The following GSG1L variants were observed in gnomAD, a reference collection of about 807,000 sequenced individuals.
GSG1L encodes the protein germ cell-specific gene 1-like protein.
A neutral mutation model predicts 42.1 loss-of-function variants in GSG1L; 24 were observed. The ratio of observed to expected loss-of-function variants is 0.57; its 90% confidence interval spans 0.41 to 0.80. The LOEUF (loss-of-function observed/expected upper bound fraction) is 0.80. Among genes scored for constraint, GSG1L ranks in the 30% least tolerant of loss-of-function variants. GSG1L has a pLI of 0.00. For synonymous variants in GSG1L, 215 were observed against 203.5 expected, an observed-to-expected ratio of 1.06 and a Z score of -0.48; for missense variants, 445 against 472.2, an observed-to-expected ratio of 0.94 and a Z score of 0.53.
intron 2 of GSG1L, among the ~76,000 whole-genome samples, chr16:27,912,961 G>A (rs1279936833): frequency 2.6e-5 from 4 of 152,080 alleles, no homozygotes; most frequent in Non-Finnish European, 4.4e-5. Flanking sequence ...CAACATGGCA[G>A]AATCTTTATT....
At chr16:27,951,801 G>T (rs2084953099) in intron 2 of GSG1L, among the ~76,000 whole-genome samples, 1 of 152,160 alleles carries the variant, frequency 6.6e-6, no homozygotes, top group South Asian at 2.1e-4. Flanking sequence ...TAAATTAAGT[G>T]AGCAGCAGAA....
At chr16:28,055,761 C>T (rs1261547354) in intron 1 of GSG1L, among the ~76,000 whole-genome samples, 3 of 152,190 alleles carry the variant, frequency 2.0e-5, no homozygotes, top group East Asian at 1.9e-4. Context: ...TGAGCCACCA[C>T]GCCCGGCCCA....
intron 2 of GSG1L, among the ~76,000 whole-genome samples, chr16:27,952,653 A>G (rs1238836437): frequency 6.6e-6 from 1 of 152,228 alleles, no homozygotes; most frequent in Non-Finnish European, 1.5e-5. Context: ...TGCCAGGTTA[A>G]AATGCCCTGT....
chr16:27,944,347 T>G (rs1483607445), intron 2 of GSG1L, among the ~76,000 whole-genome samples: 1 of 151,972 alleles, frequency 6.6e-6, no homozygotes, highest in Admixed American at 6.6e-5. Context: ...ATGGGCCGGG[T>G]GTGGTGGCTT....
At chr16:28,000,330 T>C (rs940699819) in intron 1 of GSG1L, among the ~76,000 whole-genome samples, 1 of 152,042 alleles carries the variant, frequency 6.6e-6, no homozygotes, top group African/African-American at 2.4e-5. Flanking sequence ...ATAATAAAAG[T>C]AAAAATAAAA....
chr16:27,860,856 G>A (rs945332057), intron 3 of GSG1L, among the ~76,000 whole-genome samples: 2 of 151,838 alleles, frequency 1.3e-5, no homozygotes, highest in Non-Finnish European at 2.9e-5. Flanking sequence ...GTGGGAGGCT[G>A]GGCGTGTTGG....
At chr16:28,011,235 T>G (rs2085713428) in intron 1 of GSG1L, among the ~76,000 whole-genome samples, 1 of 152,244 alleles carries the variant, frequency 6.6e-6, no homozygotes, top group Non-Finnish European at 1.5e-5. Flanking sequence ...AGCCTGGGCC[T>G]GGCCTGGTCC....
chr16:27,973,057 T>C (rs1231631177), intron 1 of GSG1L, among the ~76,000 whole-genome samples: 1 of 152,202 alleles, frequency 6.6e-6, no homozygotes, highest in Admixed American at 6.5e-5. Flanking sequence ...CATCTTTCTG[T>C]GCCTTTATTT....
intron 5 of GSG1L, among the ~76,000 whole-genome samples, chr16:27,827,877 TCC>T (rs2083229558): frequency 3.5e-5 from 5 of 141,750 alleles, no homozygotes; most frequent in Admixed American, 2.2e-4. Flanking sequence ...CATCCATCCA[TCC>T]ATCCATCCAT....
At chr16:27,916,603 A>G (rs1230214144) in intron 2 of GSG1L, among the ~76,000 whole-genome samples, 1 of 150,788 alleles carries the variant, frequency 6.6e-6, no homozygotes, top group Non-Finnish European at 1.5e-5. Context: ...GACGGCAGGC[A>G]TGAACTACTG....
At chr16:27,866,941 C>T (rs963766819) in intron 3 of GSG1L, among the ~76,000 whole-genome samples, 5 of 152,202 alleles carry the variant, frequency 3.3e-5, no homozygotes, top group African/African-American at 9.7e-5. Context: ...ATGCAGCTCA[C>T]GCCAACCCCC....
chr16:27,827,409 A>C lies in GSG1L; in HGVS notation c.830+1380T>G, dbSNP rs566120656. Among the ~76,000 whole-genome samples the C allele has an allele frequency of 2.0e-5, 3 of 152,284 alleles. No individual in the cohort carries two copies. The East Asian group carries it at 5.8e-4, about 29-fold the overall frequency. On this transcript the variant is annotated intron_variant, in intron 5 of 6. Coordinates refer to ENST00000447459, the MANE Select transcript of GSG1L (RefSeq NM_001109763.2). ...GCCCTGCCACAAACATAGGCACAGC[A>C]GCTCTAAGGATGTAGGCTGAGTTAA...
intron 1 of GSG1L, among the ~76,000 whole-genome samples, chr16:27,968,338 C>T (rs943033023): frequency 6.6e-6 from 1 of 152,186 alleles, no homozygotes; most frequent in Non-Finnish European, 1.5e-5. Flanking sequence ...CAGCCTTGAA[C>T]TCCTGGGTTC....
intron 5 of GSG1L, among the ~76,000 whole-genome samples, chr16:27,812,458 C>T (rs2083043027): frequency 1.3e-5 from 2 of 152,310 alleles, no homozygotes; most frequent in Middle Eastern, 3.4e-3. Flanking sequence ...CTGCCCCTGC[C>T]GTGAAAGCAG....
chr16:27,928,940 G>A (rs1369241026), intron 2 of GSG1L, among the ~76,000 whole-genome samples: 1 of 152,238 alleles, frequency 6.6e-6, no homozygotes, highest in East Asian at 1.9e-4. Context: ...ATGATTCACA[G>A]AGGTTATTAA....
chr16:27,844,058 A>G (rs2083416468), intron 4 of GSG1L, among the ~76,000 whole-genome samples: 3 of 152,118 alleles, frequency 2.0e-5, no homozygotes, highest in Admixed American at 2.0e-4. Context: ...AGCCCTTATG[A>G]CCTCAGTGAC....
intron 1 of GSG1L, among the ~76,000 whole-genome samples, chr16:28,056,674 G>A (rs557650968): frequency 2.0e-5 from 3 of 152,086 alleles, no homozygotes; most frequent in Non-Finnish European, 2.9e-5. Context: ...TGCTGCCTCC[G>A]AGAGCCTGGA....
chr16:27,958,103 T>A (rs963066520), intron 2 of GSG1L, among the ~76,000 whole-genome samples: 1 of 151,944 alleles, frequency 6.6e-6, no homozygotes, highest in Admixed American at 6.6e-5. Flanking sequence ...GGACACACAT[T>A]CAAACTATAT....
intron 1 of GSG1L, among the ~76,000 whole-genome samples, chr16:28,054,082 C>T (rs916628826): frequency 7.9e-5 from 12 of 152,168 alleles, no homozygotes; most frequent in Non-Finnish European, 1.3e-4. Flanking sequence ...CTCCCCACTC[C>T]TCACAATGTC....
Sources: allele counts gnomAD v4.1 joint callset (sites outside exome capture counted in the v4.1 genomes callset), GRCh38; gene constraint gnomAD v4.1.1; transcripts MANE v1.5; gene names NCBI Gene and HGNC (gene_info 2026-07-23, HGNC 2026-07-21).